Variants in CALCR observed in about 807,000 individuals in gnomAD.
CALCR encodes the protein calcitonin receptor.
Under a neutral mutation model 59.5 loss-of-function variants are expected in CALCR, and 47 were observed. That is an observed-to-expected ratio of 0.79 (90% CI 0.63 to 1.01). CALCR has a LOEUF of 1.01. CALCR is among the 50% of genes least tolerant of loss of function. The pLI is 0.00. For missense variants in CALCR, 566 were observed against 597.1 expected, an observed-to-expected ratio of 0.95 and a Z score of 0.54; for synonymous variants, 213 against 211.3, an observed-to-expected ratio of 1.01 and a Z score of -0.07.
chr7:93,465,803 T>C (rs764356508), intron 7 of CALCR, among the ~76,000 whole-genome samples: 1 of 151,920 alleles, frequency 6.6e-6, no homozygotes, highest in Non-Finnish European at 1.5e-5. Context: ...ATGCTCAGAA[T>C]AAAATTACAT....
intron 2 of CALCR, among the ~76,000 whole-genome samples, chr7:93,557,378 T>A (rs1243215396): frequency 6.6e-6 from 1 of 151,846 alleles, no homozygotes; most frequent in Non-Finnish European, 1.5e-5. Flanking sequence ...CTAATTAACA[T>A]ATACAAGAAA....
rs771188370 is a variant in CALCR at position 93,483,952 on chromosome 7, C to T, written c.51+2979G>A. Reference sequence around the variant, plus strand: ...TTGTCCCATGTAGCAGTTTAGCTGCCGTATATGTGATGTCACTCCTAAAGG... The same window carrying T: ...TTGTCCCATGTAGCAGTTTAGCTGCTGTATATGTGATGTCACTCCTAAAGG... On this transcript the variant is annotated intron_variant, in intron 3 of 13. Transcript: ENST00000426151. The T allele has an allele frequency of 2.4e-5, 12 of 507,112 alleles. No individual in the cohort carries two copies. The East Asian group carries it at 2.8e-4, about 12-fold the overall frequency. 31.4% of individuals were successfully genotyped at this position (507,112 alleles called of 1,614,324 possible). A position where few individuals can be genotyped will look rare whatever the true frequency, so the allele number is the denominator to read the frequency against.
chr7:93,483,311 G>A (rs1800842158), intron 3 of CALCR, among the ~76,000 whole-genome samples: 2 of 151,336 alleles, frequency 1.3e-5, no homozygotes, highest in Non-Finnish European at 3.0e-5. Flanking sequence ...AAGAAAAATA[G>A]TCTGTATGTT....
At chr7:93,457,302 C>T (rs974550832) in intron 8 of CALCR, among the ~76,000 whole-genome samples, 2 of 152,096 alleles carry the variant, frequency 1.3e-5, no homozygotes, top group African/African-American at 4.8e-5. Context: ...TCCAGGACAA[C>T]CGCTGGGAAG....
chr7:93,482,292 A>G (rs996674042), intron 3 of CALCR, among the ~76,000 whole-genome samples: 2 of 151,894 alleles, frequency 1.3e-5, no homozygotes, highest in African/African-American at 4.8e-5. Flanking sequence ...GATATTAATT[A>G]TTGGTTCAAC....
intron 2 of CALCR, among the ~76,000 whole-genome samples, chr7:93,519,230 C>T (rs1428530432): frequency 1.3e-5 from 2 of 151,944 alleles, no homozygotes; most frequent in Non-Finnish European, 2.9e-5. Context: ...TGTCATATAT[C>T]TAGAATTCCT....
intron 13 of CALCR, among the ~76,000 whole-genome samples, chr7:93,427,370 G>A (rs1268885608): frequency 6.6e-6 from 1 of 152,126 alleles, no homozygotes; most frequent in Non-Finnish European, 1.5e-5. Context: ...CCTCCTTCCT[G>A]TTGTCTCCAA....
chr7:93,565,068 CTT>C (rs895701134), intron 2 of CALCR, among the ~76,000 whole-genome samples: 1 of 152,172 alleles, frequency 6.6e-6, no homozygotes, highest in Non-Finnish European at 1.5e-5. Context: ...GTTTAACTGT[CTT>C]TGAGGTCATC....
At chr7:93,519,323 A>G (rs1801710713) in intron 2 of CALCR, among the ~76,000 whole-genome samples, 1 of 152,056 alleles carries the variant, frequency 6.6e-6, no homozygotes, top group Non-Finnish European at 1.5e-5. Context: ...TTTTAATTAC[A>G]ATAATTTTAT....
At chr7:93,569,314 A>G (rs1789946617) in intron 2 of CALCR, among the ~76,000 whole-genome samples, 1 of 152,152 alleles carries the variant, frequency 6.6e-6, no homozygotes, top group South Asian at 2.1e-4. Context: ...ACCCTTTAGT[A>G]TGGTAGGCAT....
intron 3 of CALCR, chr7:93,482,981 A>G (rs921930116): frequency 6.7e-6 from 3 of 450,080 alleles, no homozygotes; most frequent in African/African-American, 4.1e-5. Context: ...CCTTCTTCCT[A>G]AAATAACATA....
chr7:93,491,803 G>A (rs1041650740), intron 2 of CALCR, among the ~76,000 whole-genome samples: 1 of 151,792 alleles, frequency 6.6e-6, no homozygotes. Context: ...ACTGTTGGTG[G>A]GAATGTAAAT....
intron 2 of CALCR, among the ~76,000 whole-genome samples, chr7:93,537,871 C>T (rs1276320325): frequency 6.6e-6 from 1 of 151,734 alleles, no homozygotes; most frequent in Non-Finnish European, 1.5e-5. Flanking sequence ...TATATGGGGT[C>T]GTTTTAGTCA....
intron 8 of CALCR, among the ~76,000 whole-genome samples, chr7:93,446,979 T>G (rs1800017320): frequency 6.6e-6 from 1 of 152,046 alleles, no homozygotes. Context: ...TAAAAAGAGA[T>G]AATTGCCACT....
At chr7:93,482,583 T>TAGTTGGAA (rs1450872608) in intron 3 of CALCR, among the ~76,000 whole-genome samples, 1 of 151,896 alleles carries the variant, frequency 6.6e-6, no homozygotes, top group African/African-American at 2.4e-5. Flanking sequence ...TTTCTTGCTC[T>TAGTTGGAA]AGTTGGAAAT....
At chr7:93,492,512 T>C (rs1801105068) in intron 2 of CALCR, among the ~76,000 whole-genome samples, 1 of 151,376 alleles carries the variant, frequency 6.6e-6, no homozygotes, top group Non-Finnish European at 1.5e-5. Context: ...TGAAACATCA[T>C]TTTATATGTT....
At chr7:93,459,556 T>A (rs1800275042) in intron 8 of CALCR, among the ~76,000 whole-genome samples, 1 of 152,152 alleles carries the variant, frequency 6.6e-6, no homozygotes, top group South Asian at 2.1e-4. Flanking sequence ...ATCCAGTAGT[T>A]GGCTGATGAT....
At chr7:93,550,003 A>G (rs1428894698) in intron 2 of CALCR, among the ~76,000 whole-genome samples, 1 of 152,218 alleles carries the variant, frequency 6.6e-6, no homozygotes, top group East Asian at 1.9e-4. Flanking sequence ...AACATAAATG[A>G]TAGAGTTCAT....
chr7:93,456,511 T>C (rs1416381216), intron 8 of CALCR, among the ~76,000 whole-genome samples: 1 of 152,086 alleles, frequency 6.6e-6, no homozygotes, highest in South Asian at 2.1e-4. Context: ...CACAAAGCTA[T>C]TTCCATGTGA....
Sources: allele counts gnomAD v4.1 joint callset (sites outside exome capture counted in the v4.1 genomes callset), GRCh38; gene constraint gnomAD v4.1.1; transcripts MANE v1.5; gene names NCBI Gene and HGNC (gene_info 2026-07-23, HGNC 2026-07-21).